Variants in MAST3 observed in about 807,000 individuals in gnomAD.
MAST3 encodes the protein microtubule associated serine/threonine kinase 3.
A neutral mutation model predicts 127.0 loss-of-function variants in MAST3; 43 were observed. That is an observed-to-expected ratio of 0.34 (90% CI 0.27 to 0.44). MAST3 has a LOEUF of 0.44. Among genes scored for constraint, MAST3 ranks in the 20% least tolerant of loss-of-function variants. MAST3 has a pLI of 1.00. For synonymous variants in MAST3, 785 were observed against 809.2 expected (o/e 0.97, Z 0.51); for missense variants, 1,390 against 1,919.1 (o/e 0.72, Z 5.15).
Position 18,144,346 on chromosome 19 carries a change from T to A in MAST3, c.2585-120T>A. On this transcript the variant is annotated intron_variant, in intron 22 of 27. Transcript: ENST00000687212. The surrounding 1 kb of genome is among the most constrained non-coding windows in gnomAD (Gnocchi z 4.0). ...GGGAGTGCAGGAAGAGGGAACTGCA[T>A]GAGCAAAGGCCAGGAGGCTGGACTG... 1 of 886,794 alleles carries A rather than the reference T, an allele frequency of 1.1e-6. No individual in the cohort carries two copies. The highest frequency in any genetic ancestry group is 1.7e-6 in the Non-Finnish European group (1 of 578,924). 54.9% of individuals were successfully genotyped at this position (886,794 alleles called of 1,614,324 possible).
In MAST3 at chr19:18,112,593, T is replaced by C. The variant is rs767045408; in HGVS notation, c.161+1852T>C. ...CAAGTGATTCTCCCGCCTTGGCCTC[T>C]CAAAGTGCTGGGATTACAGGCATGA... is the stretch of plus-strand genomic sequence containing the variant. On this transcript the variant is annotated intron_variant, in intron 3 of 27. Coordinates refer to ENST00000687212, the MANE Select transcript of MAST3 (RefSeq NM_001393504.1). This position sits in a 1 kb window ranked among gnomAD's most constrained non-coding sequence, Gnocchi z 4.1. 2.0e-5 allele frequency among the ~76,000 whole-genome samples: 3 copies of C among 152,042 alleles called. No homozygotes were observed. Among genetic ancestry groups the C allele is most frequent in the Non-Finnish European group, 4.4e-5 (3 of 68,010 alleles).
chr19:18,124,558 G>A (rs2147232819), intron 10 of MAST3, 84 bp from the exon 11 acceptor site: 1 of 1,486,772 alleles, frequency 6.7e-7, no homozygotes, highest in Non-Finnish European at 9.0e-7. Flanking sequence ...AGCTGGGAAG[G>A]GTGCTCCAGG....
intron 11 of MAST3, 134 bp from the exon 12 acceptor site, chr19:18,128,264 CAG>C: frequency 1.6e-6 from 1 of 632,196 alleles, no homozygotes; most frequent in African/African-American, 1.8e-5. Flanking sequence ...GGCTTCATGA[CAG>C]TGTCATGAGA....
At chr19:18,107,441 G>T in intron 1 of MAST3, 146 bp from the exon 2 acceptor site, 1 of 843,570 alleles carries the variant, frequency 1.2e-6, no homozygotes. Flanking sequence ...CAAAGGCCTT[G>T]AGGCAGGGCT....
chr19:18,098,192 TA>T, intron 1 of MAST3, among the ~76,000 whole-genome samples: 1 of 152,166 alleles, frequency 6.6e-6, no homozygotes, highest in Admixed American at 6.5e-5. Context: ...AGCGATGTAT[TA>T]ATATGAGTTC....
chr19:18,132,949 A>G (rs1419383702), intron 15 of MAST3, among the ~76,000 whole-genome samples: 2 of 152,192 alleles, frequency 1.3e-5, no homozygotes, highest in Non-Finnish European at 2.9e-5. Context: ...CTAAAAATAC[A>G]AAAATCAGCT....
Position 18,145,712 on chromosome 19 carries a change from C to A in MAST3, c.3040-31C>A. On this transcript the variant is annotated intron_variant, in intron 24 of 27. Coordinates refer to ENST00000687212, the MANE Select transcript of MAST3 (RefSeq NM_001393504.1). This position sits in a 1 kb window ranked among gnomAD's most constrained non-coding sequence, Gnocchi z 5.9. ...GGGTCCCCAGATGTGGGGCCCAGGC[C>A]ATTGACCCCACCGTTCTCGTCTGCC... 1 of 1,550,602 alleles carries A rather than the reference C, an allele frequency of 6.4e-7. No individual in the cohort carries two copies. The highest frequency in any genetic ancestry group is 8.7e-7 in the Non-Finnish European group (1 of 1,154,574).
At position 18,149,254 on chromosome 19, in the gene MAST3, C is replaced by T; in HGVS notation, c.3572C>T (p.Ala1191Val). The T allele has an allele frequency of 6.4e-7, 1 of 1,553,450 alleles. No individual in the cohort carries two copies. The highest frequency in any genetic ancestry group is 8.7e-7 in the Non-Finnish European group (1 of 1,153,610). Residue 1191 changes from alanine (A) to valine (V), a missense_variant, in exon 28 of 28, where the codon GCT becomes GTT. Physicochemically the swap from Ala to Val is moderately conservative, Grantham distance 64. Coordinates refer to ENST00000687212, the MANE Select transcript of MAST3 (RefSeq NM_001393504.1). The surrounding 1 kb of genome is among the most constrained non-coding windows in gnomAD (Gnocchi z 5.9). Reference protein sequence around the residue: ...SSSSPASPAAAGHTRPSSLHG... With the variant: ...SSSSPASPAAVGHTRPSSLHG... ...AGCAGCCCCGCCTCCCCAGCTGCTG[C>T]TGGCCACACCCGCCCCAGCTCCCTG...
chr19:18,141,344 G>GGTAC (rs1375777087), intron 20 of MAST3, among the ~76,000 whole-genome samples: 1 of 150,814 alleles, frequency 6.6e-6, no homozygotes, highest in Non-Finnish European at 1.5e-5. Flanking sequence ...TGAAGCAACT[G>GGTAC]GTACATAGGA....
At position 18,134,285 on chromosome 19, in the gene MAST3, CTCACACCTG is replaced by C. The variant is rs373340928; in HGVS notation, c.1572-290_1572-282del. ...ACACAGTAGAGACCAGGCATGCTGG[CTCACACCTG>C]TCATGCCAGCACTTTCAAAGGTGGG... On this transcript the variant is annotated intron_variant, in intron 15 of 27. Transcript: ENST00000687212. Among the ~76,000 whole-genome samples, 344 of 152,282 alleles carry C rather than the reference CTCACACCTG, an allele frequency of 2.3e-3. 2 individuals are homozygous for C. Among genetic ancestry groups the C allele is most frequent in the Non-Finnish European group, 4.2e-3 (288 of 68,018 alleles).
chr19:18,124,112 A>G lies in MAST3; in HGVS notation c.807A>G (p.Leu269=). 6.2e-7 allele frequency: 1 copy of G among 1,611,866 alleles called. No individual in the cohort carries two copies. Among genetic ancestry groups the G allele is most frequent in the Non-Finnish European group, 8.5e-7 (1 of 1,179,078 alleles). Residue 269 remains leucine, a synonymous_variant, in exon 9 of 28, where the codon CTA becomes CTG. Coordinates refer to ENST00000687212, the MANE Select transcript of MAST3 (RefSeq NM_001393504.1). ...ACCTCGTCACCTCCCGCTACTTCCT[A>G]GAGATGCAGGAGAAGCTGGAGCGGC... ...GENLVTSRYF[L]EMQEKLERLL... is the part of the protein sequence containing the mutation.
rs1418172375 is a variant in MAST3, at chr19:18,110,094, CG to C, written c.72-555del. The C allele has an allele frequency of 1.0e-6, 1 of 985,170 alleles. No homozygotes were observed. Among genetic ancestry groups the C allele is most frequent in the East Asian group, 1.1e-4 (1 of 8,810 alleles). 61.0% of individuals were successfully genotyped at this position (985,170 alleles called of 1,614,324 possible). A position where few individuals can be genotyped will look rare whatever the true frequency, so the allele number is the denominator to read the frequency against. ...TTTCCCGCTGCGCGACCCTCGCTGC[CG>C]GGCCGGGCCTGCGCGCAGGTGCGGA... On this transcript the variant is annotated intron_variant, in intron 2 of 27. Coordinates refer to ENST00000687212, the MANE Select transcript of MAST3 (RefSeq NM_001393504.1). This position sits in a 1 kb window ranked among gnomAD's most constrained non-coding sequence, Gnocchi z 4.3.
Position 18,134,846 on chromosome 19 carries a change from C to T in MAST3, c.1734C>T (p.Pro578=), listed in dbSNP as rs369144029. 1.6e-5 allele frequency: 26 copies of T among 1,613,870 alleles called. No individual in the cohort carries two copies. In the South Asian group the frequency reaches 1.6e-4, roughly 10 times the overall value. The part of the protein sequence containing the change: ...QVCGTPEYIA[P]EVIFRQGYGK... ...GTGGGACGCCGGAGTACATAGCCCC[C>T]GAGGTGATCTTCCGCCAGGGCTATG... The change falls in exon 17 of 28, where the codon CCC becomes CCT. Residue 578 remains proline, a synonymous_variant. Transcript: ENST00000687212.
intron 8 of MAST3, 53 bp downstream of exon 8, chr19:18,123,708 G>A (rs944731300): frequency 2.2e-6 from 3 of 1,392,476 alleles, no homozygotes; most frequent in Non-Finnish European, 2.9e-6. Flanking sequence ...CCACATTGCT[G>A]TCCCTCCATG....
chr19:18,116,724 A>G (rs573677287), intron 3 of MAST3, among the ~76,000 whole-genome samples: 10 of 126,432 alleles, frequency 7.9e-5, no homozygotes, highest in Admixed American at 7.8e-4. Context: ...AGCCTGGCCA[A>G]CATGGTGAAA....
At chr19:18,117,916 C>G (rs901922253) in intron 3 of MAST3, 1 of 160,124 alleles carries the variant, frequency 6.2e-6, no homozygotes, top group Non-Finnish European at 1.3e-5. Context: ...GCGGGTCCGC[C>G]GGCCTCGCTT....
At chr19:18,128,119 G>A (rs537985894) in intron 11 of MAST3, among the ~76,000 whole-genome samples, 9 of 152,338 alleles carry the variant, frequency 5.9e-5, no homozygotes, top group African/African-American at 2.2e-4. Context: ...CAGGGGGCCT[G>A]TGTCTCATCC....
At chr19:18,127,040 A>G (rs1599774616) in intron 11 of MAST3, among the ~76,000 whole-genome samples, 1 of 151,694 alleles carries the variant, frequency 6.6e-6, no homozygotes, top group East Asian at 2.0e-4. Flanking sequence ...TCTGCCTCCC[A>G]AAGTGCTGGG....
Position 18,110,425 on chromosome 19 carries a change from C to G in MAST3, c.72-227C>G, listed in dbSNP as rs147582817. ...GCAGGGAGGACAGGATGACAACTAC[C>G]CTCCCCCCACGTCTCTGTTCGTGTC... On this transcript the variant is annotated intron_variant, in intron 2 of 27. Coordinates refer to ENST00000687212, the MANE Select transcript of MAST3 (RefSeq NM_001393504.1). This position sits in a 1 kb window ranked among gnomAD's most constrained non-coding sequence, Gnocchi z 4.3. 2.0e-4 allele frequency: 200 copies of G among 983,702 alleles called. No individual in the cohort carries two copies. The African/African-American group carries it at 3.4e-3, about 17-fold the overall frequency. The allele number at this position is 983,702 out of a possible 1,614,324, so 60.9% of individuals were successfully genotyped here.
Sources: gnomAD v4.1 joint callset for allele counts (sites outside exome capture counted in the v4.1 genomes callset) on GRCh38, gnomAD v4.1.1 for gene constraint, Gnocchi (gnomAD v3.1) non-coding constraint, MANE v1.5 for transcripts, NCBI Gene and HGNC (gene_info 2026-07-23, HGNC 2026-07-21) for gene names.